ARHGAP20: variants seen among roughly 807,000 people sequenced by gnomAD.
The protein encoded by ARHGAP20 is Rho GTPase activating protein 20, also known as rho GTPase-activating protein 20.
A neutral mutation model predicts 73.7 loss-of-function variants in ARHGAP20; 34 were observed. The observed-to-expected ratio is 0.46, with a 90% CI of 0.35 to 0.61. The LOEUF is 0.61. Ranked by LOEUF, ARHGAP20 falls within the 20% of genes least tolerant of loss-of-function variation. The probability of loss-of-function intolerance (pLI) is 0.00; values close to 1 mark genes in which losing one functional copy is unlikely to be tolerated. For synonymous variants in ARHGAP20, 523 were observed against 518.2 expected (o/e 1.01, Z -0.13); for missense variants, 1,314 against 1,420.9 (o/e 0.92, Z 1.21).
Position 110,711,970 on chromosome 11 carries a change from G to T in ARHGAP20, c.105+157C>A, listed in dbSNP as rs1022162854. The T allele has an allele frequency of 3.2e-6, 4 of 1,253,892 alleles. No homozygotes were observed. In the African/African-American group the frequency reaches 4.7e-5, roughly 15 times the overall value. 77.7% of individuals were successfully genotyped at this position (1,253,892 alleles called of 1,614,324 possible). On this transcript the variant is annotated intron_variant, in intron 1 of 14. Coordinates refer to ENST00000683387, the MANE Select transcript of ARHGAP20 (RefSeq NM_001384657.1). Reference sequence around the variant, plus strand: ...GGCGCTGCCGCTGGCCGTCAAGGGCGGGAAGTGTTCTGGGACTCTCATTAG... The same window carrying T: ...GGCGCTGCCGCTGGCCGTCAAGGGCTGGAAGTGTTCTGGGACTCTCATTAG...
intron 2 of ARHGAP20, among the ~76,000 whole-genome samples, chr11:110,662,388 A>G (rs1949634025): frequency 6.6e-6 from 1 of 151,988 alleles, no homozygotes; most frequent in South Asian, 2.1e-4. Context: ...TCCAGTTGGT[A>G]GCATAATCAC....
At chr11:110,588,633 T>C (rs1053442555) in intron 11 of ARHGAP20, among the ~76,000 whole-genome samples, 1 of 152,220 alleles carries the variant, frequency 6.6e-6, no homozygotes, top group Non-Finnish European at 1.5e-5. Context: ...TTTTGCCTTT[T>C]GGTTATTTTT....
At chr11:110,696,277 A>G (rs1950334108) in intron 1 of ARHGAP20, among the ~76,000 whole-genome samples, 1 of 151,578 alleles carries the variant, frequency 6.6e-6, no homozygotes, top group Non-Finnish European at 1.5e-5. Flanking sequence ...CTACACTAAA[A>G]GCCGCTGAAC....
At chr11:110,587,518 A>G (rs774078303) in intron 11 of ARHGAP20, among the ~76,000 whole-genome samples, 4 of 152,236 alleles carry the variant, frequency 2.6e-5, no homozygotes, top group Non-Finnish European at 4.4e-5. Context: ...TTATTGTTAC[A>G]ATCAGCTGAT....
At chr11:110,712,654 C>G (rs2135172142), upstream of ARHGAP20, 1 of 152,560 alleles carries the variant, frequency 6.6e-6, no homozygotes, top group Non-Finnish European at 1.5e-5. Context: ...TCTGTGACTC[C>G]GCGTGGGTGC....
chr11:110,676,935 C>G lies in ARHGAP20; in HGVS notation c.188+13612G>C, dbSNP rs564590901. 7.9e-5 allele frequency among the ~76,000 whole-genome samples: 12 copies of G among 151,988 alleles called. No homozygotes were observed. In the South Asian group the frequency reaches 1.5e-3, roughly 18 times the overall value. On this transcript the variant is annotated intron_variant, in intron 2 of 14. Coordinates refer to ENST00000683387, the MANE Select transcript of ARHGAP20 (RefSeq NM_001384657.1). ...GCTAATTAACATTATTTTATAGACT[C>G]TACATCATGGGAACCTGACAAAGGA...
At position 110,577,807 on chromosome 11, in the gene ARHGAP20, C is replaced by T; in HGVS notation, c.*1563G>A. The T allele has an allele frequency of 2.0e-6, 2 of 985,732 alleles. No individual in the cohort carries two copies. The highest frequency in any genetic ancestry group is 4.7e-5 in the South Asian group (1 of 21,284). 61.1% of individuals were successfully genotyped at this position (985,732 alleles called of 1,614,324 possible). Reference sequence around the variant, plus strand: ...AGGTAGGTAGCACCTATAGCTAATACTGAAATAACTTCTTCTATCTTAGAG... The same window carrying T: ...AGGTAGGTAGCACCTATAGCTAATATTGAAATAACTTCTTCTATCTTAGAG... On this transcript the variant is annotated 3_prime_UTR_variant, in exon 15 of 15. Coordinates refer to ENST00000683387, the MANE Select transcript of ARHGAP20 (RefSeq NM_001384657.1).
intron 1 of ARHGAP20, among the ~76,000 whole-genome samples, chr11:110,698,114 A>C (rs369996483): frequency 4.2e-4 from 63 of 151,682 alleles, no homozygotes; most frequent in African/African-American, 1.5e-3. Flanking sequence ...TATTTTGTTA[A>C]GGGTTTTTAT....
chr11:110,606,394 G>A (rs898009268), intron 9 of ARHGAP20, among the ~76,000 whole-genome samples, 167 bp downstream of exon 9: 6 of 152,324 alleles, frequency 3.9e-5, no homozygotes, highest in Middle Eastern at 3.4e-3. Flanking sequence ...AGTCAATCAT[G>A]CCTATTGCTG....
rs190400445 is a variant in ARHGAP20, at chr11:110,685,159, T to A, written c.188+5388A>T. Among the ~76,000 whole-genome samples, 620 of 151,802 alleles carry A rather than the reference T, an allele frequency of 4.1e-3. 2 individuals are homozygous for A. The highest frequency in any genetic ancestry group is 6.8e-3 in the Middle Eastern group (2 of 294). ...ACAGTCTTCTGGGAAATCTTTTTGA[T>A]TTGTTGTATTCAACAAATAATTATA... is the stretch of plus-strand genomic sequence containing the variant. On this transcript the variant is annotated intron_variant, in intron 2 of 14. Transcript: ENST00000683387.
chr11:110,590,120 CAA>C (rs558720081), intron 11 of ARHGAP20, among the ~76,000 whole-genome samples: 26 of 63,964 alleles, frequency 4.1e-4, no homozygotes, highest in South Asian at 5.7e-4. Flanking sequence ...GACCCCGCCT[CAA>C]AAAAAAAAAA....
chr11:110,690,570 G>C lies in ARHGAP20; in HGVS notation c.165C>G (p.Ala55=). Residue 55 remains alanine, a synonymous_variant, in exon 2 of 15, where the codon GCC becomes GCG. Transcript: ENST00000683387. ...RSAPSLILDK[A]LQKRPTTRDS... ...ACCTGGTAGTAGGCCGTTTTTGTAG[G>C]GCTTTATCCAGGATAAGAGATGGAG... 6.2e-7 allele frequency: 1 copy of C among 1,613,954 alleles called. No individual in the cohort carries two copies. Among genetic ancestry groups the C allele is most frequent in the Non-Finnish European group, 8.5e-7 (1 of 1,179,950 alleles).
At chr11:110,638,744 G>A (rs1049124204) in intron 2 of ARHGAP20, among the ~76,000 whole-genome samples, 1 of 150,788 alleles carries the variant, frequency 6.6e-6, no homozygotes, top group Non-Finnish European at 1.5e-5. Flanking sequence ...TCAGACTATC[G>A]CAAGGACAAA....
At chr11:110,634,055 G>A (rs1335297933) in intron 2 of ARHGAP20, among the ~76,000 whole-genome samples, 2 of 152,200 alleles carry the variant, frequency 1.3e-5, no homozygotes, top group East Asian at 1.9e-4. Context: ...ACTGGTGAAT[G>A]AAGTAGCAGA....
intron 1 of ARHGAP20, among the ~76,000 whole-genome samples, chr11:110,692,705 C>T (rs1028146803): frequency 1.2e-4 from 18 of 151,886 alleles, no homozygotes; most frequent in African/African-American, 3.6e-4. Context: ...AGAAAAAGAG[C>T]CTATGAAACA....
intron 2 of ARHGAP20, among the ~76,000 whole-genome samples, chr11:110,665,287 G>T (rs955662138): frequency 2.0e-5 from 3 of 152,042 alleles, no homozygotes; most frequent in African/African-American, 4.8e-5. Flanking sequence ...AGTTTTCATT[G>T]TAAGAAACTA....
Position 110,581,118 on chromosome 11 carries a change from C to G in ARHGAP20, c.1828G>C (p.Gly610Arg). 1 of 1,614,210 alleles carries G rather than the reference C, an allele frequency of 6.2e-7. No individual in the cohort carries two copies. Among genetic ancestry groups the G allele is most frequent in the Non-Finnish European group, 8.5e-7 (1 of 1,180,038 alleles). The change falls in exon 15 of 15, where the codon GGG (glycine) becomes CGG (arginine). Residue 610 changes from glycine (G) to arginine (R), a missense_variant. Around this residue, in one of 3 missense-constraint regions of ARHGAP20, gnomAD observed 230 missense variants for 317.6 expected, o/e 0.72. Coordinates refer to ENST00000683387, the MANE Select transcript of ARHGAP20 (RefSeq NM_001384657.1). Reference protein sequence around the residue: ...CSDLVKKLGQGSRSMDSVLTL... With the variant: ...CSDLVKKLGQRSRSMDSVLTL... ...AAGACAGAGTCCATGCTTCTGCTCC[C>G]CTGGCCAAGTTTCTTTACCAAGTCA...
At chr11:110,711,875 G>C in intron 1 of ARHGAP20, 1 of 1,314,152 alleles carries the variant, frequency 7.6e-7, no homozygotes, top group Non-Finnish European at 9.6e-7. Context: ...ACGGGAGGGA[G>C]GCTGCGAGGT....
intron 9 of ARHGAP20, among the ~76,000 whole-genome samples, chr11:110,596,480 G>T (rs1947964162): frequency 6.6e-6 from 1 of 152,026 alleles, no homozygotes; most frequent in Admixed American, 6.6e-5. Flanking sequence ...AGTGGGCAAA[G>T]GATATGAACA....
Sources: allele counts gnomAD v4.1 joint callset (sites outside exome capture counted in the v4.1 genomes callset), GRCh38; gene constraint gnomAD v4.1.1; regional missense constraint gnomAD v4.1.1; transcripts MANE v1.5; gene names NCBI Gene and HGNC (gene_info 2026-07-23, HGNC 2026-07-21).